Variants in ADAM10 observed in about 807,000 individuals in gnomAD.
ADAM10 encodes ADAM metallopeptidase domain 10, also known as disintegrin and metalloproteinase domain-containing protein 10.
In ADAM10, 17 loss-of-function variants were observed where a neutral mutation model predicts 90.1. That is an observed-to-expected ratio of 0.19 (90% confidence interval 0.13 to 0.28). ADAM10 has a LOEUF of 0.28. ADAM10 is among the 10% of genes least tolerant of loss of function. The pLI is 1.00. For synonymous variants in ADAM10, 310 were observed against 298.6 expected (o/e 1.04, Z -0.40); for missense variants, 610 against 914.3 (o/e 0.67, Z 4.29).
intron 2 of ADAM10, among the ~76,000 whole-genome samples, chr15:58,685,641 A>G (rs1392783186): frequency 2.7e-5 from 4 of 149,502 alleles, no homozygotes; most frequent in Non-Finnish European, 5.9e-5. Flanking sequence ...GATACACATT[A>G]TAAGAATGTG....
intron 4 of ADAM10, among the ~76,000 whole-genome samples, chr15:58,666,859 T>A (rs933318372): frequency 1.3e-5 from 2 of 152,282 alleles, no homozygotes; most frequent in South Asian, 2.1e-4. Flanking sequence ...AGTATTTATA[T>A]ATGCTTCAAA....
intron 2 of ADAM10, among the ~76,000 whole-genome samples, chr15:58,704,731 G>A (rs1260268055): frequency 6.6e-6 from 1 of 152,154 alleles, no homozygotes; most frequent in Non-Finnish European, 1.5e-5. Context: ...ATAGAGGCTT[G>A]CAGTTTTCAG....
At chr15:58,710,074 T>TC (rs1898425955) in intron 2 of ADAM10, among the ~76,000 whole-genome samples, 2 of 152,014 alleles carry the variant, frequency 1.3e-5, no homozygotes, top group Admixed American at 6.6e-5. Flanking sequence ...TGTTAGGAGA[T>TC]CGAGACCATC....
At chr15:58,717,504 G>C in intron 2 of ADAM10, 73 bp downstream of exon 2, 4 of 1,583,790 alleles carry the variant, frequency 2.5e-6, no homozygotes, top group Non-Finnish European at 3.5e-6. Context: ...GAAAATTAAG[G>C]ATATAAATCT....
chr15:58,657,942 A>G (rs1403015711), intron 5 of ADAM10, among the ~76,000 whole-genome samples: 1 of 151,584 alleles, frequency 6.6e-6, no homozygotes. Context: ...TCTGGAAAAA[A>G]GCCTTTTATC....
intron 2 of ADAM10, among the ~76,000 whole-genome samples, chr15:58,713,793 C>T (rs1898553359): frequency 6.6e-6 from 1 of 151,656 alleles, no homozygotes; most frequent in African/African-American, 2.4e-5. Flanking sequence ...TCAAGAGCAA[C>T]AGCTTTTCAT....
chr15:58,722,106 G>A (rs182106134), intron 1 of ADAM10, among the ~76,000 whole-genome samples: 4 of 152,024 alleles, frequency 2.6e-5, no homozygotes, highest in East Asian at 1.9e-4. Context: ...TTGGAAGGCC[G>A]AGGCGAGTGG....
At chr15:58,697,452 C>A (rs1316811629) in intron 2 of ADAM10, among the ~76,000 whole-genome samples, 14 of 152,122 alleles carry the variant, frequency 9.2e-5, no homozygotes, top group African/African-American at 3.1e-4. Context: ...ACAGGTCTAC[C>A]CAGCCCCCTC....
chr15:58,600,914 C>A (rs1272890080), intron 14 of ADAM10, among the ~76,000 whole-genome samples: 1 of 152,116 alleles, frequency 6.6e-6, no homozygotes, highest in African/African-American at 2.4e-5. Flanking sequence ...TAGGGACTTA[C>A]AACAAACTGG....
intron 1 of ADAM10, among the ~76,000 whole-genome samples, chr15:58,737,107 C>T (rs1261854651): frequency 6.6e-6 from 1 of 152,066 alleles, no homozygotes; most frequent in Admixed American, 6.6e-5. Flanking sequence ...AATTTGAGAA[C>T]AGTATTTTTA....
At chr15:58,716,732 TAAAC>T (rs1225756758) in intron 2 of ADAM10, among the ~76,000 whole-genome samples, 7 of 152,150 alleles carry the variant, frequency 4.6e-5, no homozygotes, top group Non-Finnish European at 7.4e-5. Context: ...GCTTTATTGA[TAAAC>T]AGAGCAGAAG....
intron 4 of ADAM10, among the ~76,000 whole-genome samples, chr15:58,666,259 C>T (rs1201971562): frequency 1.3e-5 from 2 of 149,882 alleles, no homozygotes; most frequent in African/African-American, 2.4e-5. Context: ...TTGTGCTCCA[C>T]CCCAACGCCC....
chr15:58,718,595 T>C (rs1898740926), intron 1 of ADAM10, among the ~76,000 whole-genome samples: 1 of 152,192 alleles, frequency 6.6e-6, no homozygotes, highest in Admixed American at 6.5e-5. Flanking sequence ...ATCTCAGTAG[T>C]CTACCCAATG....
intron 5 of ADAM10, among the ~76,000 whole-genome samples, chr15:58,650,442 T>G (rs555922328): frequency 6.6e-6 from 1 of 152,300 alleles, no homozygotes; most frequent in African/African-American, 2.4e-5. Flanking sequence ...GAAGAGAGAC[T>G]GAACATTTTA....
At position 58,594,866 on chromosome 15, in the gene ADAM10, C is replaced by T. The variant is rs1894909793; in HGVS notation, c.*2681G>A. The T allele has an allele frequency of 6.6e-6, 1 of 152,086 alleles. No individual in the cohort carries two copies. The highest frequency in any genetic ancestry group is 2.4e-5 in the African/African-American group (1 of 41,398). 9.4% of individuals were successfully genotyped at this position (152,086 alleles called of 1,614,324 possible). A position where few individuals can be genotyped will look rare whatever the true frequency, so the allele number is the denominator to read the frequency against. ...TAATTCACAAAGTATTACATATTTA[C>T]TCATTTAACAAGTATTACTTATAGC... On this transcript the variant is annotated 3_prime_UTR_variant, in exon 16 of 16. Coordinates refer to ENST00000260408, the MANE Select transcript of ADAM10 (RefSeq NM_001110.4).
At chr15:58,599,493 A>G in intron 15 of ADAM10, 105 bp downstream of exon 15, 1 of 1,342,486 alleles carries the variant, frequency 7.4e-7, no homozygotes, top group Non-Finnish European at 1.1e-6. Context: ...ATTCTTACGG[A>G]GAAAGTACTG....
At chr15:58,700,972 T>C (rs1441950614) in intron 2 of ADAM10, among the ~76,000 whole-genome samples, 4 of 132,332 alleles carry the variant, frequency 3.0e-5, no homozygotes, top group African/African-American at 8.4e-5. Context: ...GCCACTGCAC[T>C]CCAACCTGGG....
At chr15:58,718,473 A>T (rs1213682247) in intron 1 of ADAM10, among the ~76,000 whole-genome samples, 1 of 2,724 alleles carries the variant, frequency 3.7e-4, no homozygotes, top group African/African-American at 1.1e-3. Flanking sequence ...GTATTGGGGT[A>T]AAAAAAAAAT....
At chr15:58,675,847 T>C (rs956872788) in intron 4 of ADAM10, among the ~76,000 whole-genome samples, 6 of 152,170 alleles carry the variant, frequency 3.9e-5, no homozygotes, top group Non-Finnish European at 7.4e-5. Context: ...CAAATTCTCA[T>C]CAAAAGGTAT....
Sources: allele counts gnomAD v4.1 joint callset (sites outside exome capture counted in the v4.1 genomes callset), GRCh38; gene constraint gnomAD v4.1.1; transcripts MANE v1.5; gene names NCBI Gene and HGNC (gene_info 2026-07-23, HGNC 2026-07-21).